The following RBM19 variants were observed in gnomAD, a reference collection of about 807,000 sequenced individuals.
RBM19 encodes RNA binding motif protein 19.
In RBM19, 94 loss-of-function variants were observed where a neutral mutation model predicts 116.8. That is an observed-to-expected ratio of 0.80 (90% CI 0.68 to 0.95). RBM19 has a LOEUF of 0.95. RBM19 is among the 40% of genes least tolerant of loss of function. The pLI, the probability that RBM19 is intolerant of heterozygous loss-of-function variation, is 0.00. For synonymous variants in RBM19, 475 were observed against 494.1 expected (o/e 0.96, Z 0.51); for missense variants, 1,161 against 1,220.7 (o/e 0.95, Z 0.73).
In RBM19 at chr12:113,962,238, C is replaced by A; in HGVS notation, c.213G>T (p.Arg71=). 6.2e-7 allele frequency: 1 copy of A among 1,614,212 alleles called. No individual in the cohort carries two copies. Among genetic ancestry groups the A allele is most frequent in the South Asian group, 1.1e-5 (1 of 91,080 alleles). ...HFNKSFIDTS[R]ITVEFCKSFG... ...GAGACTCCTGCCCACTCACTGTGAT[C>A]CGGGATGTGTCGATGAAGCTCTTGT... Residue 71 remains arginine (R), a synonymous_variant, in exon 2 of 24, where the codon CGG becomes CGT. Transcript: ENST00000261741.
At position 113,831,953 on chromosome 12, in the gene RBM19, T is replaced by C. The variant is rs183832262; in HGVS notation, c.2786-8632A>G. Among the ~76,000 whole-genome samples, 1,040 of 152,276 alleles carry C rather than the reference T, an allele frequency of 6.8e-3. 18 individuals are homozygous for C. Among genetic ancestry groups the C allele is most frequent in the African/African-American group, 0.023 (946 of 41,562 alleles). On this transcript the variant is annotated intron_variant, in intron 23 of 23. Coordinates refer to ENST00000261741, the MANE Select transcript of RBM19 (RefSeq NM_016196.4). ...TGCTCTCTGATCATGGCTCCCTGCA[T>C]GGCCAGCCATGTGCACCACTTGGGC... is the stretch of plus-strand genomic sequence containing the variant.
intron 2 of RBM19, 129 bp from the exon 3 acceptor site, chr12:113,960,307 T>C: frequency 8.3e-7 from 1 of 1,204,728 alleles, no homozygotes; most frequent in Non-Finnish European, 1.2e-6. Flanking sequence ...TGAAGTAGAT[T>C]ACACGTCACC....
chr12:113,946,866 A>G (rs1871071019), intron 11 of RBM19, among the ~76,000 whole-genome samples: 1 of 152,266 alleles, frequency 6.6e-6, no homozygotes, highest in South Asian at 2.1e-4. Context: ...TCAATGAATG[A>G]ATGAGAAAAG....
intron 1 of RBM19, among the ~76,000 whole-genome samples, chr12:113,965,706 A>G (rs1174489771): frequency 6.6e-6 from 1 of 152,160 alleles, no homozygotes; most frequent in East Asian, 1.9e-4. Context: ...CTTACTGGAT[A>G]AATGCTGTAA....
In RBM19 at chr12:113,914,916, G is replaced by T. The variant is rs966138970; in HGVS notation, c.2558+53C>A. 84 of 1,500,598 alleles carry T rather than the reference G, an allele frequency of 5.6e-5. 1 individual carries two copies. The African/African-American group carries it at 1.1e-3, about 19-fold the overall frequency. The allele number at this position is 1,500,598 out of a possible 1,614,324, so 93.0% of individuals were successfully genotyped here. On this transcript the variant is annotated intron_variant, in intron 21 of 23. Coordinates refer to ENST00000261741, the MANE Select transcript of RBM19 (RefSeq NM_016196.4). ...CAAAGGCCATCTTCCCTGAGACTCGGGCAGGCTCCCCGCCCACACGCCAGT... is the reference window on the plus strand; with the variant it reads ...CAAAGGCCATCTTCCCTGAGACTCGTGCAGGCTCCCCGCCCACACGCCAGT...
chr12:113,883,359 T>C (rs1230475474), intron 21 of RBM19, among the ~76,000 whole-genome samples: 1 of 152,210 alleles, frequency 6.6e-6, no homozygotes, highest in African/African-American at 2.4e-5. Flanking sequence ...CCCTCTTTGA[T>C]GCCACATGTG....
At chr12:113,850,573 C>T (rs1235469379) in intron 22 of RBM19, among the ~76,000 whole-genome samples, 1 of 152,262 alleles carries the variant, frequency 6.6e-6, no homozygotes, top group Non-Finnish European at 1.5e-5. Context: ...TGGAAGGCTG[C>T]CATTGCAGCA....
chr12:113,961,863 T>TTCTCTAAACTCCCA (rs1330373194), intron 2 of RBM19, among the ~76,000 whole-genome samples: 1 of 152,212 alleles, frequency 6.6e-6, no homozygotes, highest in Non-Finnish European at 1.5e-5. Context: ...CATCACCTTT[T>TTCTCTAAACTCCCA]TCTCTAAACT....
chr12:113,900,546 C>T (rs942583418), intron 21 of RBM19, among the ~76,000 whole-genome samples: 2 of 152,138 alleles, frequency 1.3e-5, no homozygotes. Flanking sequence ...CAAATGAGGC[C>T]CCGAGAGGTC....
At position 113,960,194 on chromosome 12, in the gene RBM19, A is replaced by G; in HGVS notation, c.220-16T>C. 6.2e-7 allele frequency: 1 copy of G among 1,612,640 alleles called. No homozygotes were observed. Among genetic ancestry groups the G allele is most frequent in the African/African-American group, 1.3e-5 (1 of 74,980 alleles). On this transcript the variant is annotated splice_polypyrimidine_tract_variant and intron_variant, in intron 2 of 23. Transcript: ENST00000261741. ...AGAACTCCACCTGTGTGGGAAAGAG[A>G]GTGATTTTCACACCTGCCATGGCAC...
chr12:113,892,616 T>G (rs542523376), intron 21 of RBM19, among the ~76,000 whole-genome samples: 8 of 152,210 alleles, frequency 5.3e-5, no homozygotes, highest in Non-Finnish European at 1.2e-4. Flanking sequence ...CTTCGTTTAA[T>G]GCGATTAGGT....
chr12:113,958,105 G>C, intron 5 of RBM19, 55 bp from the exon 6 acceptor site: 1 of 1,551,098 alleles, frequency 6.4e-7, no homozygotes, highest in Non-Finnish European at 8.7e-7. Flanking sequence ...CCAGAGGTCA[G>C]AGGTAGCAAA....
At chr12:113,948,749 TG>T in intron 10 of RBM19, 83 bp downstream of exon 10, 1 of 1,386,596 alleles carries the variant, frequency 7.2e-7, no homozygotes, top group Non-Finnish European at 1.0e-6. Context: ...GTGTGCACAC[TG>T]GGACTTGAAC....
At chr12:113,859,733 A>G (rs935359526) in intron 21 of RBM19, among the ~76,000 whole-genome samples, 7 of 152,180 alleles carry the variant, frequency 4.6e-5, no homozygotes, top group African/African-American at 1.4e-4. Context: ...TCTAATGTCC[A>G]TTTATCAAAT....
At chr12:113,871,723 T>G (rs1212506415) in intron 21 of RBM19, among the ~76,000 whole-genome samples, 1 of 152,220 alleles carries the variant, frequency 6.6e-6, no homozygotes, top group Admixed American at 6.5e-5. Flanking sequence ...CAGACACACC[T>G]CAACAGATCT....
At chr12:113,936,937 G>A in intron 16 of RBM19, 70 bp downstream of exon 16, 6 of 1,551,786 alleles carry the variant, frequency 3.9e-6, no homozygotes, top group Admixed American at 4.0e-5. Context: ...GAAACTTCAC[G>A]CTGCCCCCAA....
intron 11 of RBM19, 110 bp from the exon 12 acceptor site, chr12:113,946,585 C>T: frequency 1.4e-6 from 2 of 1,452,240 alleles, no homozygotes; most frequent in Non-Finnish European, 1.9e-6. Flanking sequence ...AGCACTGAAA[C>T]CCTGACCAGA....
intron 21 of RBM19, among the ~76,000 whole-genome samples, chr12:113,861,129 C>T (rs886457970): frequency 7.2e-5 from 11 of 152,232 alleles, no homozygotes; most frequent in African/African-American, 2.4e-4. Context: ...GCATGTCTGA[C>T]GTTAAGCCCA....
chr12:113,964,858 G>A lies in RBM19; in HGVS notation c.36+1334C>T, dbSNP rs1593665321. ...GAAGGTAGGACAGAGCAAAGACTTTGCTACTCATGTTATACACTACTATAC... is the reference window on the plus strand; with the variant it reads ...GAAGGTAGGACAGAGCAAAGACTTTACTACTCATGTTATACACTACTATAC... On this transcript the variant is annotated intron_variant, in intron 1 of 23. Coordinates refer to ENST00000261741, the MANE Select transcript of RBM19 (RefSeq NM_016196.4). 4.6e-5 allele frequency among the ~76,000 whole-genome samples: 7 copies of A among 151,872 alleles called. No homozygotes were observed. The South Asian group carries it at 1.5e-3, about 32-fold the overall frequency.
Sources: gnomAD v4.1 joint callset for allele counts (sites outside exome capture counted in the v4.1 genomes callset) on GRCh38, gnomAD v4.1.1 for gene constraint, MANE v1.5 for transcripts, NCBI Gene and HGNC (gene_info 2026-07-23, HGNC 2026-07-21) for gene names.